PTGDS: variants seen among roughly 807,000 people sequenced by gnomAD.
PTGDS encodes prostaglandin-H2 D-isomerase.
A neutral mutation model predicts 28.4 loss-of-function variants in PTGDS; 21 were observed. The observed-to-expected ratio is 0.74, with a 90% CI of 0.52 to 1.07. PTGDS has a LOEUF of 1.07. Among genes scored for constraint, PTGDS ranks in the 50% least tolerant of loss-of-function variants. The pLI, the probability that PTGDS is intolerant of heterozygous loss-of-function variation, is 0.00. For synonymous variants in PTGDS, 102 were observed against 106.0 expected (o/e 0.96, Z 0.23); for missense variants, 243 against 247.7 (o/e 0.98, Z 0.13).
intron 6 of PTGDS, chr9:136,981,153 AG>A: frequency 2.1e-6 from 1 of 471,340 alleles, no homozygotes. Context: ...GACAAGGCCA[AG>A]GGGCTATACC....
At chr9:136,978,449 G>A (rs1465464670) in intron 1 of PTGDS, among the ~76,000 whole-genome samples, 13 of 149,642 alleles carry the variant, frequency 8.7e-5, no homozygotes, top group African/African-American at 3.0e-4. Context: ...GAGGCGTGAG[G>A]GGCGGGGCCA....
chr9:136,979,060 C>CG lies in PTGDS; in HGVS notation c.183dup (p.Leu62ValfsTer29), dbSNP rs756080187. 2 of 1,608,680 alleles carry CG rather than the reference C, an allele frequency of 1.2e-6. No individual in the cohort carries two copies. The highest frequency in any genetic ancestry group is 3.4e-5 in the Admixed American group (2 of 59,678). On this transcript the variant is annotated frameshift_variant, in exon 2 of 7. Coordinates refer to ENST00000371625, the MANE Select transcript of PTGDS (RefSeq NM_000954.6). LOFTEE classifies it high-confidence loss of function. The stretch of plus-strand genomic sequence containing the variant: ...AGCTGGCTCCGGGAGAAGAAGGCGG[C>CG]GTTGTCCATGTGCAAGTCTGTGGTG...
Position 136,980,786 on chromosome 9 carries a change from C to G in PTGDS, c.551-47C>G, listed in dbSNP as rs201575800. 5,755 of 1,613,968 alleles carry G rather than the reference C, an allele frequency of 3.6e-3. 13 individuals carry two copies. Among genetic ancestry groups the G allele is most frequent in the Non-Finnish European group, 4.6e-3 (5,458 of 1,179,924 alleles). On this transcript the variant is annotated intron_variant, in intron 5 of 6. Coordinates refer to ENST00000371625, the MANE Select transcript of PTGDS (RefSeq NM_000954.6). Reference sequence around the variant, plus strand: ...ACAGGAAGCCCAGTGGGAAAATTGGCCTAAGTCTGGGGTTCTGACGACAGC... The same window carrying G: ...ACAGGAAGCCCAGTGGGAAAATTGGGCTAAGTCTGGGGTTCTGACGACAGC...
At chr9:136,979,581 C>G (rs1830423865) in intron 3 of PTGDS, 1 of 905,486 alleles carries the variant, frequency 1.1e-6, no homozygotes. Flanking sequence ...AGCAGCCCCC[C>G]AAGGCCCCTC....
chr9:136,979,466 G>A, intron 3 of PTGDS, 167 bp downstream of exon 3: 1 of 1,541,824 alleles, frequency 6.5e-7, no homozygotes, highest in Non-Finnish European at 8.8e-7. Context: ...CCATGCACAA[G>A]TGTTAGGGAC....
intron 2 of PTGDS, 35 bp from the exon 3 acceptor site, chr9:136,979,188 G>A: frequency 6.2e-7 from 1 of 1,613,072 alleles, no homozygotes; most frequent in African/African-American, 1.3e-5. Context: ...ACACCCTCGG[G>A]CCTAACCCCT....
rs543720144 is a variant in PTGDS at position 136,981,158 on chromosome 9, C to T, written c.*303C>T. ...GCCCCAGGCAGACAAGGCCAAGGGG[C>T]TATACCACAGGGACCACCTGGCAGC... On this transcript the variant is annotated intron_variant, in intron 6 of 6. Transcript: ENST00000371625. 6 of 438,310 alleles carry T rather than the reference C, an allele frequency of 1.4e-5. No homozygotes were observed. In the East Asian group the frequency reaches 2.2e-4, roughly 16 times the overall value. The allele number at this position is 438,310 out of a possible 1,614,324, so 27.2% of individuals were successfully genotyped here. A position where few individuals can be genotyped will look rare whatever the true frequency, so the allele number is the denominator to read the frequency against.
rs11552179 is a variant in PTGDS at position 136,979,045 on chromosome 9, G to A, written c.167G>A (p.Arg56Gln). 1.2e-6 allele frequency: 2 copies of A among 1,608,700 alleles called. No individual in the cohort carries two copies. Among genetic ancestry groups the A allele is most frequent in the African/African-American group, 1.3e-5 (1 of 74,910 alleles). ...AGLASNSSWL[R>Q]EKKAALSMCK... ...CTCGCCTCCAACTCGAGCTGGCTCCGGGAGAAGAAGGCGGCGTTGTCCATG... is the reference window on the plus strand; with the variant it reads ...CTCGCCTCCAACTCGAGCTGGCTCCAGGAGAAGAAGGCGGCGTTGTCCATG... The change falls in exon 2 of 7, where the codon CGG (arginine) becomes CAG (glutamine). Residue 56 changes from arginine to glutamine, a missense_variant. Transcript: ENST00000371625.
At chr9:136,978,928 C>G (rs758722123) in intron 1 of PTGDS, 65 bp from the exon 2 acceptor site, 1 of 1,580,954 alleles carries the variant, frequency 6.3e-7, no homozygotes, top group South Asian at 1.1e-5. Context: ...AGAGGCGCCC[C>G]CGCAGGTAGG....
rs775855784 is a variant in PTGDS, at chr9:136,980,313, G to T, written c.550+29G>T. On this transcript the variant is annotated intron_variant, in intron 5 of 6. Coordinates refer to ENST00000371625, the MANE Select transcript of PTGDS (RefSeq NM_000954.6). ...AGGGGTCCTAATCTGATGGGGAGAG[G>T]ATCAAGGTCAGATTAGAGGCAGGCA... 4 of 1,608,034 alleles carry T rather than the reference G, an allele frequency of 2.5e-6. No homozygotes were observed. The South Asian group carries it at 4.4e-5, about 18-fold the overall frequency.
chr9:136,980,414 G>T (rs977599052), intron 5 of PTGDS, 130 bp downstream of exon 5: 16 of 1,058,550 alleles, frequency 1.5e-5, no homozygotes, highest in Non-Finnish European at 2.2e-5. Flanking sequence ...AGGGACAGAG[G>T]GGGTGAGTGT....
Position 136,979,133 on chromosome 9 carries a change from G to A in PTGDS, c.254+1G>A. 1.9e-6 allele frequency: 3 copies of A among 1,612,890 alleles called. No individual in the cohort carries two copies. Among genetic ancestry groups the A allele is most frequent in the Non-Finnish European group, 2.5e-6 (3 of 1,179,772 alleles). On this transcript the variant is annotated splice_donor_variant, in intron 2 of 6. Transcript: ENST00000371625. LOFTEE classifies it high-confidence loss of function. ...TCAACCTGACCTCCACCTTCCTCAG[G>A]TGGGACAGCGGGCAGGTGGGTTTCT...
intron 6 of PTGDS, chr9:136,981,151 C>A: frequency 2.1e-6 from 1 of 476,458 alleles, no homozygotes; most frequent in Non-Finnish European, 3.7e-6. Flanking sequence ...CAGACAAGGC[C>A]AAGGGGCTAT....
rs759326080 is a variant in PTGDS, at chr9:136,977,621, G to C, written c.43G>C (p.Gly15Arg). 3 of 1,609,732 alleles carry C rather than the reference G, an allele frequency of 1.9e-6. No homozygotes were observed. Among genetic ancestry groups the C allele is most frequent in the Non-Finnish European group, 2.5e-6 (3 of 1,178,702 alleles). ...ACTGTGGATGGGACTGGCCCTGCTG[G>C]GGGTGCTGGGCGACCTGCAGGCAGC... is the stretch of plus-strand genomic sequence containing the variant. The part of the protein sequence containing the change: ...HTLWMGLALL[G>R]VLGDLQAAPE... The change falls in exon 1 of 7, where the codon GGG becomes CGG. Residue 15 changes from glycine to arginine, a missense_variant. Physicochemically the swap from Gly to Arg is moderately radical, Grantham distance 125 (BLOSUM62 -2). Transcript: ENST00000371625.
intron 1 of PTGDS, among the ~76,000 whole-genome samples, chr9:136,978,610 T>G (rs1463998391): frequency 3.9e-5 from 1 of 25,600 alleles, no homozygotes; most frequent in Non-Finnish European, 7.4e-5. Context: ...TAGGGGGGCA[T>G]GGGGCGTGAG....
At position 136,980,010 on chromosome 9, in the gene PTGDS, C is replaced by G. The variant is rs746821662; in HGVS notation, c.396C>G (p.Tyr132Ter). 6.2e-7 allele frequency: 1 copy of G among 1,613,104 alleles called. No homozygotes were observed. The highest frequency in any genetic ancestry group is 1.1e-5 in the South Asian group (1 of 91,088). The change falls in exon 4 of 7, where the codon TAC becomes TAG. Residue 132 changes from tyrosine to a stop codon, truncating the protein, a stop_gained. Transcript: ENST00000371625. LOFTEE classifies it high-confidence loss of function. ...ETDYDQYALL[Y>*]SQGSKGPGED... ...ACTACGACCAGTACGCGCTGCTGTA[C>G]AGCCAGGGCAGCAAGGGCCCTGGCG...
chr9:136,980,105 AG>A (rs35843517), intron 4 of PTGDS, 43 bp downstream of exon 4: 1 of 1,606,558 alleles, frequency 6.2e-7, no homozygotes, highest in Non-Finnish European at 8.5e-7. Flanking sequence ...GCCTGACCAG[AG>A]GGGGCTCCCC....
chr9:136,980,296 T>A lies in PTGDS; in HGVS notation c.550+12T>A. Reference sequence around the variant, plus strand: ...CCTGCCCCAAACCGGTGAGGGGTCCTAATCTGATGGGGAGAGGATCAAGGT... The same window carrying A: ...CCTGCCCCAAACCGGTGAGGGGTCCAAATCTGATGGGGAGAGGATCAAGGT... On this transcript the variant is annotated intron_variant, in intron 5 of 6. Transcript: ENST00000371625. The A allele has an allele frequency of 1.2e-6, 2 of 1,612,266 alleles. No homozygotes were observed. The highest frequency in any genetic ancestry group is 4.5e-5 in the East Asian group (2 of 44,872).
Position 136,981,672 on chromosome 9 carries a change from G to T in PTGDS, c.*94G>T. ...TGTTCCTTCCCCGAGCCCCTGCCCC[G>T]GCTCCCCGCCAAAGCAACCCTGCCC... On this transcript the variant is annotated 3_prime_UTR_variant, in exon 7 of 7. Transcript: ENST00000371625. The T allele has an allele frequency of 6.6e-6, 1 of 151,774 alleles. No homozygotes were observed. 9.4% of individuals were successfully genotyped at this position (151,774 alleles called of 1,614,324 possible).
Sources: allele counts gnomAD v4.1 joint callset (sites outside exome capture counted in the v4.1 genomes callset), GRCh38; gene constraint gnomAD v4.1.1; transcripts MANE v1.5; gene names NCBI Gene and HGNC (gene_info 2026-07-23, HGNC 2026-07-21).